COX6A1: variants seen among roughly 807,000 people sequenced by gnomAD.
The protein encoded by COX6A1 is cytochrome c oxidase subunit 6A1, mitochondrial.
In COX6A1, 10 loss-of-function variants were observed where a neutral mutation model predicts 11.3. The ratio of observed to expected loss-of-function variants is 0.88; its 90% CI spans 0.54 to 1.50. The LOEUF (loss-of-function observed/expected upper bound fraction) is 1.50. COX6A1 is among the 40% of genes most tolerant of loss of function. The probability of loss-of-function intolerance (pLI) is 0.00; values close to 1 mark genes in which losing one functional copy is unlikely to be tolerated. For missense variants in COX6A1, 149 were observed against 147.6 expected (o/e 1.01, Z -0.05); for synonymous variants, 81 against 60.6 (o/e 1.34, Z -1.57).
rs116850387 is a variant in COX6A1 at position 120,438,262 on chromosome 12, A to C, written c.103+33A>C. The C allele has an allele frequency of 0.055, 89,370 of 1,611,960 alleles. 2,966 individuals carry two copies. Among genetic ancestry groups the C allele is most frequent in the South Asian group, 0.096 (8,745 of 90,856 alleles). On this transcript the variant is annotated intron_variant, in intron 1 of 2. Transcript: ENST00000229379. ...GGCCGGGGTCGACGGGTCGAGCCTC[A>C]GCCCCACTCGGGCGAGACAGGGAGG...
chr12:120,438,792 T>C, intron 2 of COX6A1: 1 of 234,606 alleles, frequency 4.3e-6, no homozygotes, highest in Non-Finnish European at 8.2e-6. Context: ...ACAGTTCTTT[T>C]TTTTTTTTTT....
chr12:120,438,136 G>C lies in COX6A1; in HGVS notation c.10G>C (p.Val4Leu). Reference sequence around the variant, plus strand: ...GCAGTCCAGATCAAAAATGGCGGTAGTTGGTGTGTCCTCGGTTTCTCGGCT... The same window carrying C: ...GCAGTCCAGATCAAAAATGGCGGTACTTGGTGTGTCCTCGGTTTCTCGGCT... MAVVGVSSVSRLLG... is the reference protein window; with the variant it reads MAVLGVSSVSRLLG... Residue 4 changes from valine to leucine, a missense_variant, in exon 1 of 3, where the codon GTT (valine) becomes CTT (leucine). Val to Leu is a conservative substitution (Grantham distance 32). Transcript: ENST00000229379. 3.1e-6 allele frequency: 5 copies of C among 1,613,496 alleles called. No homozygotes were observed. Among genetic ancestry groups the C allele is most frequent in the Non-Finnish European group, 4.2e-6 (5 of 1,179,888 alleles).
Position 120,438,196 on chromosome 12 carries a change from A to T in COX6A1, c.70A>T (p.Met24Leu). ...GTCCCGCCCACAGCTGGGGCGGCCT[A>T]TGTCGAGTGGCGCCCATGGCGAAGA... Reference protein sequence around the residue: ...GRSRPQLGRPMSSGAHGEEGS... With the variant: ...GRSRPQLGRPLSSGAHGEEGS... The change falls in exon 1 of 3, where the codon ATG (methionine) becomes TTG (leucine). Residue 24 changes from methionine to leucine, a missense_variant. Transcript: ENST00000229379. The T allele has an allele frequency of 3.7e-6, 6 of 1,613,860 alleles. No homozygotes were observed. The highest frequency in any genetic ancestry group is 1.3e-5 in the African/African-American group (1 of 75,048).
At position 120,438,138 on chromosome 12, in the gene COX6A1, T is replaced by C. The variant is rs372420548; in HGVS notation, c.12T>C (p.Val4=). ...AGTCCAGATCAAAAATGGCGGTAGTTGGTGTGTCCTCGGTTTCTCGGCTGC... is the reference window on the plus strand; with the variant it reads ...AGTCCAGATCAAAAATGGCGGTAGTCGGTGTGTCCTCGGTTTCTCGGCTGC... MAV[V]GVSSVSRLLG... is the part of the protein sequence containing the mutation. Residue 4 remains valine (V), a synonymous_variant, in exon 1 of 3, where the codon GTT becomes GTC. Coordinates refer to ENST00000229379, the MANE Select transcript of COX6A1 (RefSeq NM_004373.4). 1 of 1,613,396 alleles carries C rather than the reference T, an allele frequency of 6.2e-7. No homozygotes were observed. The highest frequency in any genetic ancestry group is 8.5e-7 in the Non-Finnish European group (1 of 1,179,852).
chr12:120,439,814 T>C (rs1254738032), intron 2 of COX6A1, among the ~76,000 whole-genome samples: 1 of 152,068 alleles, frequency 6.6e-6, no homozygotes, highest in African/African-American at 2.4e-5. Flanking sequence ...TTGTGAAATG[T>C]TTAGCCATAT....
At chr12:120,438,816 C>G (rs1293436275) in intron 2 of COX6A1, 1 of 204,534 alleles carries the variant, frequency 4.9e-6, no homozygotes, top group Non-Finnish European at 8.1e-6. Context: ...TTTTTTTTTA[C>G]TTCTGAGACA....
chr12:120,440,387 C>A, intron 2 of COX6A1, 67 bp from the exon 3 acceptor site: 1 of 1,221,420 alleles, frequency 8.2e-7, no homozygotes. Flanking sequence ...CCGTTATAAG[C>A]AGTTCATGAC....
In COX6A1 at chr12:120,440,516, A is replaced by G. The variant is rs749000821; in HGVS notation, c.309A>G (p.Pro103=). The G allele has an allele frequency of 1.2e-6, 2 of 1,611,226 alleles. No individual in the cohort carries two copies. The highest frequency in any genetic ancestry group is 1.3e-5 in the African/African-American group (1 of 74,988). Residue 103 remains proline, a synonymous_variant, in exon 3 of 3, where the codon CCA becomes CCG. Transcript: ENST00000229379. ...LFHNPHVNPL[P]TGYEDE ...ATAACCCTCATGTGAATCCACTTCC[A>G]ACTGGCTACGAAGATGAATAAAGAG...
chr12:120,439,556 T>C (rs1013666225), intron 2 of COX6A1, among the ~76,000 whole-genome samples: 7 of 152,096 alleles, frequency 4.6e-5, no homozygotes, highest in African/African-American at 1.7e-4. Flanking sequence ...AATAATATAC[T>C]TGATCTTAGC....
chr12:120,439,731 G>A (rs1231162096), intron 2 of COX6A1, among the ~76,000 whole-genome samples: 1 of 152,150 alleles, frequency 6.6e-6, no homozygotes, highest in Non-Finnish European at 1.5e-5. Flanking sequence ...AAGCCAAACA[G>A]TAAAGGTTTC....
At chr12:120,440,281 G>A (rs372722591) in intron 2 of COX6A1, 173 bp from the exon 3 acceptor site, 1 of 545,874 alleles carries the variant, frequency 1.8e-6, no homozygotes, top group Non-Finnish European at 3.3e-6. Flanking sequence ...GGGCTCCCCT[G>A]GTAGTTATAA....
At chr12:120,438,280 CAGGG>C (rs756415019) in intron 1 of COX6A1, 51 bp downstream of exon 1, 3 of 1,612,196 alleles carry the variant, frequency 1.9e-6, no homozygotes, top group Non-Finnish European at 2.5e-6. Flanking sequence ...TCGGGCGAGA[CAGGG>C]AGGGACTGTG....
intron 2 of COX6A1, chr12:120,440,174 A>T: frequency 3.1e-6 from 1 of 321,800 alleles, no homozygotes; most frequent in Non-Finnish European, 5.9e-6. Context: ...ACTAGTTACT[A>T]GGGAGAGGAT....
intron 2 of COX6A1, among the ~76,000 whole-genome samples, chr12:120,439,246 G>T (rs1360439065): frequency 6.6e-6 from 1 of 152,164 alleles, no homozygotes; most frequent in Non-Finnish European, 1.5e-5. Context: ...TTCAATACTG[G>T]CCATGCGCGG....
At chr12:120,439,039 A>G (rs1334123084) in intron 2 of COX6A1, among the ~76,000 whole-genome samples, 3 of 152,136 alleles carry the variant, frequency 2.0e-5, no homozygotes, top group Non-Finnish European at 4.4e-5. Context: ...CTCTGGTCTC[A>G]AAACAAAACA....
rs377504835 is a variant in COX6A1 at position 120,438,230 on chromosome 12, G to A, written c.103+1G>A. 6.2e-7 allele frequency: 1 copy of A among 1,613,558 alleles called. No homozygotes were observed. The highest frequency in any genetic ancestry group is 1.1e-5 in the South Asian group (1 of 91,006). ...GGCGCCCATGGCGAAGAGGGCTCAG[G>A]TACTGGGGCCGGGGTCGACGGGTCG... is the stretch of plus-strand genomic sequence containing the variant. On this transcript the variant is annotated splice_donor_variant, in intron 1 of 2. Transcript: ENST00000229379. LOFTEE classifies it high-confidence loss of function.
intron 2 of COX6A1, among the ~76,000 whole-genome samples, chr12:120,439,240 A>G (rs868758854): frequency 1.1e-4 from 16 of 152,146 alleles, no homozygotes; most frequent in Admixed American, 3.3e-4. Flanking sequence ...TGATTCTTCA[A>G]TACTGGCCAT....
chr12:120,438,157 C>T lies in COX6A1; in HGVS notation c.31C>T (p.Arg11Trp). 6.2e-7 allele frequency: 1 copy of T among 1,613,780 alleles called. No individual in the cohort carries two copies. The highest frequency in any genetic ancestry group is 1.7e-4 in the Middle Eastern group (1 of 6,024). Residue 11 changes from arginine (R) to tryptophan (W), a missense_variant, in exon 1 of 3, where the codon CGG becomes TGG. Coordinates refer to ENST00000229379, the MANE Select transcript of COX6A1 (RefSeq NM_004373.4). Reference protein sequence around the residue: MAVVGVSSVSRLLGRSRPQLG... With the variant: MAVVGVSSVSWLLGRSRPQLG... ...GGTAGTTGGTGTGTCCTCGGTTTCT[C>T]GGCTGCTGGGTCGGTCCCGCCCACA...
chr12:120,438,280 CA>C, intron 1 of COX6A1, 51 bp downstream of exon 1: 3 of 1,612,196 alleles, frequency 1.9e-6, no homozygotes, highest in Non-Finnish European at 2.5e-6. Context: ...TCGGGCGAGA[CA>C]GGGAGGGACT....
Sources: gnomAD v4.1 joint callset for allele counts (sites outside exome capture counted in the v4.1 genomes callset) on GRCh38, gnomAD v4.1.1 for gene constraint, MANE v1.5 for transcripts, NCBI Gene and HGNC (gene_info 2026-07-23, HGNC 2026-07-21) for gene names.